Variants in CDH12 observed in about 807,000 individuals in gnomAD.
CDH12 encodes the protein cadherin-12.
In CDH12, 41 loss-of-function variants were observed where a neutral mutation model predicts 74.1. The ratio of observed to expected loss-of-function variants is 0.55; its 90% CI spans 0.43 to 0.72. The LOEUF (loss-of-function observed/expected upper bound fraction) is 0.72, where lower values mean the gene tolerates loss of function less well. CDH12 is among the 30% of genes least tolerant of loss of function. The pLI is 0.00. For synonymous variants in CDH12, 399 were observed against 355.0 expected, an observed-to-expected ratio of 1.12 and a Z score of -1.39; for missense variants, 945 against 977.2, an observed-to-expected ratio of 0.97 and a Z score of 0.44.
intron 1 of CDH12, among the ~76,000 whole-genome samples, chr5:22,764,115 A>T (rs998487779): frequency 1.3e-5 from 2 of 151,914 alleles, no homozygotes; most frequent in Admixed American, 1.3e-4. Flanking sequence ...TCTAATTAGA[A>T]GACTGAAAGA....
chr5:22,733,980 T>C (rs1744561919), intron 1 of CDH12, among the ~76,000 whole-genome samples: 1 of 151,880 alleles, frequency 6.6e-6, no homozygotes, highest in Non-Finnish European at 1.5e-5. Context: ...AGGTTTCCCA[T>C]CCTCCAGCCA....
intron 9 of CDH12, among the ~76,000 whole-genome samples, chr5:21,804,687 CACACACAT>C (rs1473021122): frequency 2.8e-5 from 4 of 141,022 alleles, no homozygotes; most frequent in Admixed American, 1.4e-4. Flanking sequence ...CACACACACA[CACACACAT>C]AGATGTTTTA....
intron 11 of CDH12, among the ~76,000 whole-genome samples, chr5:21,778,466 C>CAAA (rs70957061): frequency 2.0e-3 from 105 of 52,602 alleles, no homozygotes; most frequent in African/African-American, 7.4e-3. Flanking sequence ...GCATATAAGC[C>CAAA]AAAAAAAAAA....
intron 3 of CDH12, among the ~76,000 whole-genome samples, chr5:22,312,827 G>C (rs775654957): frequency 1.8e-4 from 27 of 152,128 alleles, no homozygotes; most frequent in African/African-American, 6.5e-4. Context: ...TCAGATGTAT[G>C]GACATGAATT....
At chr5:21,909,007 T>C (rs536959802) in intron 6 of CDH12, among the ~76,000 whole-genome samples, 30 of 152,356 alleles carry the variant, frequency 2.0e-4, no homozygotes, top group African/African-American at 6.5e-4. Flanking sequence ...TATCTTTTTT[T>C]CCTTGGCTTC....
At chr5:21,756,835 C>G (rs1744425377) in intron 13 of CDH12, among the ~76,000 whole-genome samples, 1 of 152,092 alleles carries the variant, frequency 6.6e-6, no homozygotes, top group African/African-American at 2.4e-5. Flanking sequence ...CAATCAGATT[C>G]CATTTTTCTA....
At chr5:21,952,015 C>G (rs1335778380) in intron 6 of CDH12, among the ~76,000 whole-genome samples, 1 of 152,154 alleles carries the variant, frequency 6.6e-6, no homozygotes, top group Non-Finnish European at 1.5e-5. Flanking sequence ...GCATTCAGGT[C>G]CACAATGCCT....
chr5:22,270,624 T>TAC lies in CDH12; in HGVS notation c.-332-57983_-332-57982dup, dbSNP rs536631650. Among the ~76,000 whole-genome samples the TAC allele has an allele frequency of 3.2e-3, 480 of 150,662 alleles. 3 individuals are homozygous for TAC. Among genetic ancestry groups the TAC allele is most frequent in the Non-Finnish European group, 4.3e-3 (290 of 67,654 alleles). ...AAAAAAATATATATATATATATGTA[T>TAC]ACACACACACACACATCTATATATA... On this transcript the variant is annotated intron_variant, in intron 3 of 14. Coordinates refer to ENST00000382254, the MANE Select transcript of CDH12 (RefSeq NM_004061.5).
intron 1 of CDH12, among the ~76,000 whole-genome samples, chr5:22,691,534 T>G (rs1742081686): frequency 6.6e-6 from 1 of 152,208 alleles, no homozygotes; most frequent in African/African-American, 2.4e-5. Context: ...AAAACACATC[T>G]TAAACTTTTA....
At chr5:21,986,599 A>T (rs1398156386) in intron 5 of CDH12, among the ~76,000 whole-genome samples, 2 of 152,182 alleles carry the variant, frequency 1.3e-5, no homozygotes, top group South Asian at 4.1e-4. Context: ...AAATTTCCAG[A>T]CAATAAACCA....
intron 5 of CDH12, among the ~76,000 whole-genome samples, chr5:22,071,907 A>G (rs1036936237): frequency 6.6e-6 from 1 of 152,060 alleles, no homozygotes; most frequent in Non-Finnish European, 1.5e-5. Context: ...GCAATTACCC[A>G]CTAATTTCTG....
intron 1 of CDH12, among the ~76,000 whole-genome samples, chr5:22,755,831 A>T (rs535377614): frequency 2.0e-5 from 3 of 152,122 alleles, no homozygotes; most frequent in Non-Finnish European, 4.4e-5. Context: ...CAAGGAAGTT[A>T]ACACTGTCTA....
At chr5:22,713,424 A>G (rs1406782772) in intron 1 of CDH12, among the ~76,000 whole-genome samples, 1 of 151,936 alleles carries the variant, frequency 6.6e-6, no homozygotes, top group African/African-American at 2.4e-5. Flanking sequence ...TACAGGCATG[A>G]GCCACCGCAC....
Position 22,215,196 on chromosome 5 carries a change from G to A in CDH12, c.-332-2553C>T, listed in dbSNP as rs1025943740. Among the ~76,000 whole-genome samples, 56 of 61,084 alleles carry A rather than the reference G, an allele frequency of 9.2e-4. 1 individual carries two copies. The highest frequency in any genetic ancestry group is 1.6e-4 in the Non-Finnish European group (4 of 24,370). 40.1% of individuals were successfully genotyped at this position (61,084 alleles called of 152,430 possible). A position where few individuals can be genotyped will look rare whatever the true frequency, so the allele number is the denominator to read the frequency against. ...AGTTAAGCAAATTTACCAATGTTGC[G>A]TAGTCAGTACAGAAGAAACCCACCA... On this transcript the variant is annotated intron_variant, in intron 3 of 14. Transcript: ENST00000382254.
At chr5:22,230,685 G>A (rs1474810976) in intron 3 of CDH12, among the ~76,000 whole-genome samples, 1 of 151,800 alleles carries the variant, frequency 6.6e-6, no homozygotes, top group East Asian at 1.9e-4. Flanking sequence ...TGGCCAGAAT[G>A]GTGTCGACCT....
At chr5:22,283,203 GA>G (rs1736965886) in intron 3 of CDH12, among the ~76,000 whole-genome samples, 3 of 76,636 alleles carry the variant, frequency 3.9e-5, no homozygotes, top group Non-Finnish European at 5.1e-5. Context: ...GAACATCTGT[GA>G]GATATATATA....
At position 21,752,067 on chromosome 5, in the gene CDH12, C is replaced by T; in HGVS notation, c.2055G>A (p.Glu685=). The T allele has an allele frequency of 6.2e-7, 1 of 1,614,070 alleles. No individual in the cohort carries two copies. The highest frequency in any genetic ancestry group is 8.5e-7 in the Non-Finnish European group (1 of 1,179,998). ...IGALRNPKVI[E]ENKIRRDIKP... is the part of the protein sequence containing the mutation. ...TTATATCCCTGCGAATTTTGTTCTC[C>T]TCAATCACTTTTGGGTTTCTCAGAG... is the stretch of plus-strand genomic sequence containing the variant. The change falls in exon 15 of 15, where the codon GAG becomes GAA. Residue 685 remains glutamate, a synonymous_variant. Transcript: ENST00000382254.
intron 6 of CDH12, among the ~76,000 whole-genome samples, chr5:21,865,287 T>G (rs1751267680): frequency 6.6e-6 from 1 of 152,172 alleles, no homozygotes; most frequent in Non-Finnish European, 1.5e-5. Flanking sequence ...GTAAAATTTT[T>G]GAGTATTTTA....
intron 1 of CDH12, among the ~76,000 whole-genome samples, chr5:22,721,945 A>G (rs1020541273): frequency 4.6e-5 from 7 of 152,102 alleles, no homozygotes; most frequent in African/African-American, 1.7e-4. Context: ...CAGAACTGTG[A>G]GTCAATTAAA....
Sources: allele counts gnomAD v4.1 joint callset (sites outside exome capture counted in the v4.1 genomes callset), GRCh38; gene constraint gnomAD v4.1.1; transcripts MANE v1.5; gene names NCBI Gene and HGNC (gene_info 2026-07-23, HGNC 2026-07-21).